Variants in POFUT1 observed in about 807,000 individuals in gnomAD.
POFUT1 encodes the protein GDP-fucose protein O-fucosyltransferase 1.
Under a neutral mutation model 42.4 loss-of-function variants are expected in POFUT1, and 16 were observed. The ratio of observed to expected loss-of-function variants is 0.38; its 90% CI spans 0.26 to 0.57. POFUT1 has a LOEUF of 0.57. Ranked by LOEUF, POFUT1 falls within the 20% of genes least tolerant of loss-of-function variation. The probability of loss-of-function intolerance (pLI) is 0.71; values close to 1 mark genes in which losing one functional copy is unlikely to be tolerated. For missense variants in POFUT1, 470 were observed against 504.6 expected, an observed-to-expected ratio of 0.93 and a Z score of 0.66; for synonymous variants, 206 against 205.4, an observed-to-expected ratio of 1.00 and a Z score of -0.03.
chr20:32,234,707 C>CT lies in POFUT1; in HGVS notation c.*47dup. On this transcript the variant is annotated 3_prime_UTR_variant, in exon 7 of 7. Coordinates refer to ENST00000375749, the MANE Select transcript of POFUT1 (RefSeq NM_015352.2). ...CCTCTGATCCTGGAGGGACCAGAGT[C>CT]TGAGCTGGTCCTTCCAGCCAGGCCT... 2.0e-6 allele frequency: 3 copies of CT among 1,481,444 alleles called. No individual in the cohort carries two copies. Among genetic ancestry groups the CT allele is most frequent in the Non-Finnish European group, 2.7e-6 (3 of 1,097,542 alleles). 91.8% of individuals were successfully genotyped at this position (1,481,444 alleles called of 1,614,324 possible). A position where few individuals can be genotyped will look rare whatever the true frequency, so the allele number is the denominator to read the frequency against.
Position 32,215,323 on chromosome 20 carries a change from C to T in POFUT1, c.301C>T (p.Arg101Trp), listed in dbSNP as rs770978581. 1.1e-5 allele frequency: 18 copies of T among 1,613,958 alleles called. No homozygotes were observed. Among genetic ancestry groups the T allele is most frequent in the Middle Eastern group, 1.6e-4 (1 of 6,080 alleles). Residue 101 changes from arginine (R) to tryptophan (W), a missense_variant, in exon 3 of 7, where the codon CGG (arginine) becomes TGG (tryptophan). By Grantham distance (101) the Arg-to-Trp change is moderately radical. Coordinates refer to ENST00000375749, the MANE Select transcript of POFUT1 (RefSeq NM_015352.2). Reference protein sequence around the residue: ...FKLEPLQAYHRVISLEDFMEK... With the variant: ...FKLEPLQAYHWVISLEDFMEK... ...GCTGGAGCCCCTCCAGGCTTACCAT[C>T]GGGTCATCAGCTTGGAGGATTTCAT...
In POFUT1 at chr20:32,210,100, T is replaced by C; in HGVS notation, c.154T>C (p.Leu52=). The change falls in exon 2 of 7, where the codon TTG becomes CTG. Residue 52 remains leucine, a synonymous_variant. Transcript: ENST00000375749. The part of the protein sequence containing the change: ...GRFGNQADHF[L]GSLAFAKLLN... ...CTTTGGGAACCAGGCCGATCACTTCTTGGGCTCTCTGGCATTTGCAAAGCT... is the reference window on the plus strand; with the variant it reads ...CTTTGGGAACCAGGCCGATCACTTCCTGGGCTCTCTGGCATTTGCAAAGCT... The C allele has an allele frequency of 6.2e-7, 1 of 1,614,200 alleles. No homozygotes were observed. The highest frequency in any genetic ancestry group is 8.5e-7 in the Non-Finnish European group (1 of 1,180,016).
chr20:32,214,591 G>A (rs766807356), intron 2 of POFUT1, among the ~76,000 whole-genome samples: 12 of 152,168 alleles, frequency 7.9e-5, no homozygotes, highest in East Asian at 3.8e-4. Flanking sequence ...TTGATGCCTC[G>A]TTATAATTGT....
At chr20:32,225,010 C>T (rs1600391418) in intron 4 of POFUT1, among the ~76,000 whole-genome samples, 2 of 152,098 alleles carry the variant, frequency 1.3e-5, no homozygotes, top group African/African-American at 4.8e-5. Context: ...TCTTTGAGAG[C>T]TTTCTGTGTG....
intron 4 of POFUT1, chr20:32,217,445 A>G: frequency 9.9e-7 from 1 of 1,007,076 alleles, no homozygotes; most frequent in Non-Finnish European, 1.2e-6. Flanking sequence ...TTGGCATTTA[A>G]TAGGGCAAAG....
chr20:32,224,881 CACATGATCA>C (rs2047407133), intron 4 of POFUT1, among the ~76,000 whole-genome samples: 1 of 152,168 alleles, frequency 6.6e-6, no homozygotes, highest in Non-Finnish European at 1.5e-5. Context: ...CCACATGATC[CACATGATCA>C]ACATGGCCAA....
intron 4 of POFUT1, chr20:32,217,888 T>G (rs944972854): frequency 4.6e-6 from 1 of 218,164 alleles, no homozygotes; most frequent in Non-Finnish European, 7.8e-6. Context: ...CAGGTCTGTT[T>G]GTAAATCTTT....
In POFUT1 at chr20:32,232,158, T is replaced by C. The variant is rs558712086; in HGVS notation, c.978+1097T>C. ...GAAGTGCTAAGTCAGCACATTCTAA[T>C]CTCCTCCCCACCTACTGAACAGAAA... On this transcript the variant is annotated intron_variant, in intron 6 of 6. Coordinates refer to ENST00000375749, the MANE Select transcript of POFUT1 (RefSeq NM_015352.2). Among the ~76,000 whole-genome samples, 14 of 152,142 alleles carry C rather than the reference T, an allele frequency of 9.2e-5. No individual in the cohort carries two copies. The East Asian group carries it at 2.7e-3, about 29-fold the overall frequency.
rs1299079529 is a variant in POFUT1, at chr20:32,237,875, G to A, written c.*3214G>A. 1 of 532,358 alleles carries A rather than the reference G, an allele frequency of 1.9e-6. No homozygotes were observed. Among genetic ancestry groups the A allele is most frequent in the Non-Finnish European group, 3.9e-6 (1 of 259,314 alleles). 33.0% of individuals were successfully genotyped at this position (532,358 alleles called of 1,614,324 possible). On this transcript the variant is annotated 3_prime_UTR_variant, in exon 7 of 7. Transcript: ENST00000375749. ...AGAGACAAAGGCCATTGCATTGAAG[G>A]AGGTGGGAAATGATTAGATTCTGAA...
Position 32,237,344 on chromosome 20 carries a change from A to T in POFUT1, c.*2683A>T, listed in dbSNP as rs2047476494. ...AAATGTACTGTGGGACATGTTAATA[A>T]GTGCTATAAAGAAATATAAAGGGTT... On this transcript the variant is annotated 3_prime_UTR_variant, in exon 7 of 7. Transcript: ENST00000375749. The T allele has an allele frequency of 6.3e-6, 1 of 158,344 alleles. No homozygotes were observed. Among genetic ancestry groups the T allele is most frequent in the African/African-American group, 2.4e-5 (1 of 41,654 alleles). The allele number at this position is 158,344 out of a possible 1,614,324, so 9.8% of individuals were successfully genotyped here.
intron 4 of POFUT1, among the ~76,000 whole-genome samples, chr20:32,218,135 G>A (rs2047372175): frequency 6.6e-6 from 1 of 152,116 alleles, no homozygotes; most frequent in African/African-American, 2.4e-5. Flanking sequence ...CAAAGCACCA[G>A]TTACTTTATA....
chr20:32,234,436 C>T (rs762074753), intron 6 of POFUT1, 37 bp from the exon 7 acceptor site: 1 of 1,546,790 alleles, frequency 6.5e-7, no homozygotes, highest in South Asian at 1.2e-5. Flanking sequence ...TGGCCTGTAG[C>T]CACCCCAGCT....
At position 32,237,820 on chromosome 20, in the gene POFUT1, A is replaced by G. The variant is rs1228320842; in HGVS notation, c.*3159A>G. ...AGAGACTGGGGTGCTGGGCTCCCCT[A>G]GACTAGGACTCCAGTGCCCTCCTCT... On this transcript the variant is annotated 3_prime_UTR_variant, in exon 7 of 7. Coordinates refer to ENST00000375749, the MANE Select transcript of POFUT1 (RefSeq NM_015352.2). 3.7e-6 allele frequency: 2 copies of G among 534,662 alleles called. No homozygotes were observed. Among genetic ancestry groups the G allele is most frequent in the South Asian group, 2.8e-5 (2 of 71,562 alleles). The allele number at this position is 534,662 out of a possible 1,614,324, so 33.1% of individuals were successfully genotyped here.
In POFUT1 at chr20:32,237,817, C is replaced by A; in HGVS notation, c.*3156C>A. On this transcript the variant is annotated 3_prime_UTR_variant, in exon 7 of 7. Transcript: ENST00000375749. ...GCGAGAGACTGGGGTGCTGGGCTCC[C>A]CTAGACTAGGACTCCAGTGCCCTCC... 1 of 534,564 alleles carries A rather than the reference C, an allele frequency of 1.9e-6. No individual in the cohort carries two copies. The highest frequency in any genetic ancestry group is 3.8e-6 in the Non-Finnish European group (1 of 260,072). 33.1% of individuals were successfully genotyped at this position (534,564 alleles called of 1,614,324 possible).
intron 5 of POFUT1, among the ~76,000 whole-genome samples, chr20:32,229,261 C>T (rs1040393334): frequency 6.6e-5 from 10 of 152,152 alleles, no homozygotes; most frequent in Non-Finnish European, 5.9e-5. Flanking sequence ...AAGGTCAGCT[C>T]AGAAAATTAT....
chr20:32,226,655 A>G (rs2047416229), intron 4 of POFUT1, among the ~76,000 whole-genome samples: 1 of 152,040 alleles, frequency 6.6e-6, no homozygotes, highest in Non-Finnish European at 1.5e-5. Flanking sequence ...TCTCCATGCT[A>G]TTGTTTTAAA....
intron 4 of POFUT1, chr20:32,217,829 G>A (rs1042540308): frequency 1.2e-6 from 1 of 815,082 alleles, no homozygotes; most frequent in African/African-American, 1.9e-5. Flanking sequence ...ACTGAGCCCA[G>A]TGAAGTTAAA....
At chr20:32,210,870 C>T (rs1253989710) in intron 2 of POFUT1, among the ~76,000 whole-genome samples, 1 of 152,226 alleles carries the variant, frequency 6.6e-6, no homozygotes, top group Non-Finnish European at 1.5e-5. Flanking sequence ...TTCCAATAGA[C>T]ATCAGAAATA....
chr20:32,228,241 C>T, intron 4 of POFUT1, 22 bp from the exon 5 acceptor site: 1 of 1,604,542 alleles, frequency 6.2e-7, no homozygotes, highest in Non-Finnish European at 8.5e-7. Flanking sequence ...CTCTGACTTC[C>T]CTCATTCCAT....
Sources: allele counts gnomAD v4.1 joint callset (sites outside exome capture counted in the v4.1 genomes callset), GRCh38; gene constraint gnomAD v4.1.1; transcripts MANE v1.5; gene names NCBI Gene and HGNC (gene_info 2026-07-23, HGNC 2026-07-21).